SYTL2: variants seen among roughly 807,000 people sequenced by gnomAD.
SYTL2 encodes synaptotagmin-like protein 2.
SYTL2 carries 165 observed loss-of-function variants against 198.7 expected under a neutral mutation model. The ratio of observed to expected loss-of-function variants is 0.83; its 90% CI spans 0.73 to 0.94. The LOEUF (loss-of-function observed/expected upper bound fraction) is 0.94. Among genes scored for constraint, SYTL2 ranks in the 40% least tolerant of loss-of-function variants. The pLI is 0.00. For synonymous variants in SYTL2, 966 were observed against 917.7 expected (o/e 1.05, Z -0.95); for missense variants, 2,835 against 2,582.8 (o/e 1.10, Z -2.12).
At chr11:85,779,664 G>A (rs1416439040) in intron 1 of SYTL2, among the ~76,000 whole-genome samples, 3 of 150,804 alleles carry the variant, frequency 2.0e-5, no homozygotes, top group Non-Finnish European at 4.4e-5. Context: ...GCAGAAGTAG[G>A]ACTTAAAAAA....
chr11:85,703,800 G>A (rs2084703748), intron 16 of SYTL2, among the ~76,000 whole-genome samples: 1 of 152,130 alleles, frequency 6.6e-6, no homozygotes, highest in East Asian at 1.9e-4. Context: ...CAAAGGATGA[G>A]AGAATGGGTA....
At chr11:85,791,777 C>G (rs1403216886) in intron 1 of SYTL2, among the ~76,000 whole-genome samples, 1 of 152,048 alleles carries the variant, frequency 6.6e-6, no homozygotes, top group East Asian at 1.9e-4. Context: ...TTTGGAATAA[C>G]TCATGTGGAG....
chr11:85,704,997 T>C lies in SYTL2; in HGVS notation c.6050A>G (p.Gln2017Arg). 1.9e-6 allele frequency: 3 copies of C among 1,613,054 alleles called. No individual in the cohort carries two copies. Among genetic ancestry groups the C allele is most frequent in the South Asian group, 2.2e-5 (2 of 90,904 alleles). The change falls in exon 16 of 20, where the codon CAG becomes CGG. Residue 2017 changes from glutamine to arginine, a missense_variant. Around this residue, in one of 3 missense-constraint regions of SYTL2, gnomAD observed 2,645 missense variants for 2,381.7 expected, o/e 1.11. Coordinates refer to ENST00000359152, the MANE Select transcript of SYTL2 (RefSeq NM_206927.4). ...ATGCCAAATGGACAGGTTCAATTTC[T>C]GTGTCTTTAAGATTTGTTTTTCAAT... Reference protein sequence around the residue: ...YKIEKQILKTQKLNLSIWHRD... With the variant: ...YKIEKQILKTRKLNLSIWHRD...
the SYTL2 span, among the ~76,000 whole-genome samples, chr11:85,845,277 T>C: frequency 1.3e-5 from 2 of 152,196 alleles, no homozygotes; most frequent in Non-Finnish European, 2.9e-5. Flanking sequence ...CAGGCAGAGA[T>C]AGAATCTGTC....
chr11:85,821,860 G>C, the SYTL2 span, among the ~76,000 whole-genome samples: 7 of 152,190 alleles, frequency 4.6e-5, no homozygotes, highest in African/African-American at 1.4e-4. Flanking sequence ...TCCAGTGGGA[G>C]AGCACAACCA....
the SYTL2 span, among the ~76,000 whole-genome samples, chr11:85,836,847 C>A: frequency 6.6e-6 from 1 of 152,100 alleles, no homozygotes; most frequent in Non-Finnish European, 1.5e-5. Flanking sequence ...CACACAGATA[C>A]ATAGATAGAT....
intron 3 of SYTL2, among the ~76,000 whole-genome samples, chr11:85,747,136 T>C (rs77522948): frequency 2.0e-5 from 3 of 152,092 alleles, no homozygotes; most frequent in Non-Finnish European, 2.9e-5. Context: ...TTAATGAACT[T>C]GATAGAATTT....
intron 4 of SYTL2, among the ~76,000 whole-genome samples, chr11:85,743,174 C>T (rs1251478078): frequency 6.6e-6 from 1 of 152,186 alleles, no homozygotes; most frequent in Non-Finnish European, 1.5e-5. Flanking sequence ...TTGAGTCATT[C>T]TATTAAAGTT....
intron 2 of SYTL2, among the ~76,000 whole-genome samples, chr11:85,753,037 T>C (rs533767163): frequency 6.8e-6 from 1 of 146,338 alleles, no homozygotes; most frequent in African/African-American, 2.5e-5. Context: ...CCCATCGCTG[T>C]AGATGTGGTT....
Position 85,707,410 on chromosome 11 carries a change from A to C in SYTL2, c.6018+19T>G. On this transcript the variant is annotated intron_variant, in intron 15 of 19. Coordinates refer to ENST00000359152, the MANE Select transcript of SYTL2 (RefSeq NM_206927.4). ...AGGTCACCATCTAGGATTTTCCTAT[A>C]GAGAGAGTTCATAGATACCCGCAGT... The C allele has an allele frequency of 1.3e-6, 2 of 1,553,744 alleles. No homozygotes were observed. Among genetic ancestry groups the C allele is most frequent in the Non-Finnish European group, 1.8e-6 (2 of 1,125,504 alleles).
rs111561065 is a variant in SYTL2 at position 85,726,733 on chromosome 11, AT to A, written c.2624del (p.Asn875IlefsTer10). 1 of 1,535,978 alleles carries A rather than the reference AT, an allele frequency of 6.5e-7. No individual in the cohort carries two copies. Among genetic ancestry groups the A allele is most frequent in the Non-Finnish European group, 8.7e-7 (1 of 1,146,808 alleles). ...TTTGTGGCTTGGTCTCTTTAGATTT[AT>A]TTGAGGAATAAGAATTGGAGAGCTG... Reference protein sequence around the residue: ...ASQLSNSYSSNKSKETKPQIA... With the variant: ...ASQLSNSYSSXKSKETKPQIA... On this transcript the variant is annotated frameshift_variant, in exon 8 of 20. Transcript: ENST00000359152. LOFTEE classifies it high-confidence loss of function.
At chr11:85,767,783 G>T (rs1365088130) in intron 1 of SYTL2, among the ~76,000 whole-genome samples, 1 of 152,116 alleles carries the variant, frequency 6.6e-6, no homozygotes, top group Non-Finnish European at 1.5e-5. Flanking sequence ...CCTGGGGTGA[G>T]ACTCCCACCT....
At chr11:85,719,538 CCATCACCAA>C (rs1158841109) in intron 9 of SYTL2, among the ~76,000 whole-genome samples, 3 of 151,762 alleles carry the variant, frequency 2.0e-5, no homozygotes, top group Non-Finnish European at 4.4e-5. Flanking sequence ...TTCTCAAGGC[CCATCACCAA>C]CATCAGGAAA....
the SYTL2 span, among the ~76,000 whole-genome samples, chr11:85,821,751 T>C: frequency 6.6e-6 from 1 of 152,152 alleles, no homozygotes; most frequent in African/African-American, 2.4e-5. Flanking sequence ...CCCAGAGAGG[T>C]AATGTGCTCA....
chr11:85,780,012 A>T (rs1221979197), intron 1 of SYTL2, among the ~76,000 whole-genome samples: 1 of 152,200 alleles, frequency 6.6e-6, no homozygotes, highest in Non-Finnish European at 1.5e-5. Context: ...TGAGGGAACT[A>T]AAAAGGATGA....
At chr11:85,710,936 C>T (rs533387630) in intron 13 of SYTL2, among the ~76,000 whole-genome samples, 177 bp downstream of exon 13, 2 of 151,734 alleles carry the variant, frequency 1.3e-5, no homozygotes, top group Non-Finnish European at 2.9e-5. Context: ...GGATATGAAC[C>T]CCGTTAGTCT....
the SYTL2 span, among the ~76,000 whole-genome samples, chr11:85,851,315 G>C: frequency 6.6e-6 from 1 of 152,240 alleles, no homozygotes; most frequent in Admixed American, 6.5e-5. Flanking sequence ...AGTAACTGCT[G>C]TAGGTAAAAT....
At chr11:85,722,075 G>C (rs2088396395) in intron 8 of SYTL2, among the ~76,000 whole-genome samples, 1 of 150,568 alleles carries the variant, frequency 6.6e-6, no homozygotes, top group Non-Finnish European at 1.5e-5. Flanking sequence ...TTAGGTTAGA[G>C]TATATAAACC....
chr11:85,800,330 C>G (rs1310712098), intron 1 of SYTL2, among the ~76,000 whole-genome samples: 2 of 152,174 alleles, frequency 1.3e-5, no homozygotes, highest in African/African-American at 4.8e-5. Flanking sequence ...GGCTGGAGTT[C>G]AGCAGCACAA....
Sources: allele counts gnomAD v4.1 joint callset (sites outside exome capture counted in the v4.1 genomes callset), GRCh38; gene constraint gnomAD v4.1.1; regional missense constraint gnomAD v4.1.1; transcripts MANE v1.5; gene names NCBI Gene and HGNC (gene_info 2026-07-23, HGNC 2026-07-21).